The following VSTM2L variants were observed in gnomAD, a reference collection of about 807,000 sequenced individuals.
VSTM2L encodes V-set and transmembrane domain containing 2 like.
Under a neutral mutation model 19.9 loss-of-function variants are expected in VSTM2L, and 9 were observed. The ratio of observed to expected loss-of-function variants is 0.45; its 90% CI spans 0.27 to 0.79. The LOEUF is 0.79. Among genes scored for constraint, VSTM2L ranks in the 30% least tolerant of loss-of-function variants. The probability of loss-of-function intolerance (pLI) is 0.15; values close to 1 mark genes in which losing one functional copy is unlikely to be tolerated. For missense variants in VSTM2L, 286 were observed against 295.5 expected (o/e 0.97, Z 0.24); for synonymous variants, 127 against 133.8 (o/e 0.95, Z 0.35).
chr20:37,911,888 G>A (rs1030193663), intron 1 of VSTM2L, among the ~76,000 whole-genome samples: 10 of 140,688 alleles, frequency 7.1e-5, no homozygotes, highest in Non-Finnish European at 1.6e-4. Flanking sequence ...ATGTATGTGC[G>A]TGTATGTGTG....
At position 37,944,860 on chromosome 20, in the gene VSTM2L, C is replaced by T; in HGVS notation, c.*607C>T. On this transcript the variant is annotated 3_prime_UTR_variant, in exon 4 of 4. Transcript: ENST00000373461. ...CTCCTGGCGAGTCCTTCCTGTTCAGCTCCCTGTGCGACCCTCCAGGGATGC... is the reference window on the plus strand; with the variant it reads ...CTCCTGGCGAGTCCTTCCTGTTCAGTTCCCTGTGCGACCCTCCAGGGATGC... 1.0e-6 allele frequency: 1 copy of T among 986,070 alleles called. No individual in the cohort carries two copies. Among genetic ancestry groups the T allele is most frequent in the Non-Finnish European group, 1.2e-6 (1 of 830,108 alleles). The allele number at this position is 986,070 out of a possible 1,614,324, so 61.1% of individuals were successfully genotyped here.
intron 1 of VSTM2L, 152 bp downstream of exon 1, chr20:37,903,623 C>T: frequency 1.6e-6 from 2 of 1,216,752 alleles, no homozygotes; most frequent in Non-Finnish European, 2.1e-6. Context: ...CGCCCTGGCA[C>T]CCTGGCCCTG....
Position 37,945,242 on chromosome 20 carries a change from C to T in VSTM2L, c.*989C>T, listed in dbSNP as rs979925622. On this transcript the variant is annotated 3_prime_UTR_variant, in exon 4 of 4. Coordinates refer to ENST00000373461, the MANE Select transcript of VSTM2L (RefSeq NM_080607.3). Reference sequence around the variant, plus strand: ...TCTGGCTGCCGCAGCTCAGTGATGACGTGGGGGAGGTGGGAGAGGCCGAGG... The same window carrying T: ...TCTGGCTGCCGCAGCTCAGTGATGATGTGGGGGAGGTGGGAGAGGCCGAGG... 15 of 985,382 alleles carry T rather than the reference C, an allele frequency of 1.5e-5. No homozygotes were observed. The highest frequency in any genetic ancestry group is 1.1e-4 in the East Asian group (1 of 8,826). 61.0% of individuals were successfully genotyped at this position (985,382 alleles called of 1,614,324 possible). A position where few individuals can be genotyped will look rare whatever the true frequency, so the allele number is the denominator to read the frequency against.
At chr20:37,915,456 G>A (rs1169853769) in intron 1 of VSTM2L, among the ~76,000 whole-genome samples, 1 of 152,044 alleles carries the variant, frequency 6.6e-6, no homozygotes, top group Non-Finnish European at 1.5e-5. Context: ...CCTTGAAGAA[G>A]GAGGAGCTTC....
chr20:37,926,402 C>T (rs903397163), intron 1 of VSTM2L, among the ~76,000 whole-genome samples: 8 of 151,936 alleles, frequency 5.3e-5, no homozygotes, highest in Admixed American at 2.0e-4. Context: ...GGGCCAGGCG[C>T]GGTGGCTCAC....
intron 1 of VSTM2L, among the ~76,000 whole-genome samples, chr20:37,918,956 C>A (rs1218715232): frequency 6.6e-6 from 1 of 152,216 alleles, no homozygotes; most frequent in East Asian, 1.9e-4. Flanking sequence ...ATGAACAGTG[C>A]ACATTCTGAA....
intron 1 of VSTM2L, among the ~76,000 whole-genome samples, chr20:37,911,545 G>A (rs769111822): frequency 4.6e-5 from 7 of 152,234 alleles, no homozygotes; most frequent in African/African-American, 1.2e-4. Flanking sequence ...CCCCAACGCC[G>A]AGGATGCCCT....
chr20:37,921,543 T>C (rs1189964944), intron 1 of VSTM2L, among the ~76,000 whole-genome samples: 1 of 152,176 alleles, frequency 6.6e-6, no homozygotes, highest in Non-Finnish European at 1.5e-5. Context: ...GACATGGCAG[T>C]GAACAGACTA....
Position 37,944,419 on chromosome 20 carries a change from A to C in VSTM2L, c.*166A>C. 8.2e-7 allele frequency: 1 copy of C among 1,214,480 alleles called. No homozygotes were observed. Among genetic ancestry groups the C allele is most frequent in the Non-Finnish European group, 1.1e-6 (1 of 935,340 alleles). 75.2% of individuals were successfully genotyped at this position (1,214,480 alleles called of 1,614,324 possible). ...TCCACCACCCCTTGCTCAGCATGTA[A>C]GCCCCACCCACCCCTGCCCTTTCAG... On this transcript the variant is annotated 3_prime_UTR_variant, in exon 4 of 4. Coordinates refer to ENST00000373461, the MANE Select transcript of VSTM2L (RefSeq NM_080607.3).
At chr20:37,911,684 T>C (rs928790852) in intron 1 of VSTM2L, among the ~76,000 whole-genome samples, 8 of 151,666 alleles carry the variant, frequency 5.3e-5, no homozygotes, top group Admixed American at 5.2e-4. Flanking sequence ...GGGGCTGGGG[T>C]AATGCTGTTT....
At position 37,927,746 on chromosome 20, in the gene VSTM2L, A is replaced by G. The variant is rs552537589; in HGVS notation, c.122-3889A>G. Among the ~76,000 whole-genome samples the G allele has an allele frequency of 2.0e-5, 3 of 152,236 alleles. No homozygotes were observed. The South Asian group carries it at 6.2e-4, about 32-fold the overall frequency. ...GCAGGAGGAGACTGAGTGGGGATGA[A>G]TTGGAGGCCTGGCCCTTTCCGAGGA... On this transcript the variant is annotated intron_variant, in intron 1 of 3. Coordinates refer to ENST00000373461, the MANE Select transcript of VSTM2L (RefSeq NM_080607.3).
At position 37,943,968 on chromosome 20, in the gene VSTM2L, CTG is replaced by C. The variant is rs747182372; in HGVS notation, c.343-11_343-10del. 8.7e-6 allele frequency: 11 copies of C among 1,263,176 alleles called. No individual in the cohort carries two copies. The African/African-American group carries it at 1.5e-4, about 17-fold the overall frequency. 78.2% of individuals were successfully genotyped at this position (1,263,176 alleles called of 1,614,324 possible). Reference sequence around the variant, plus strand: ...ACTGGATGGACAGGTCACGGTCTCTCTGTCACCCCCAGGTGGTCAAGGTGGTG... The same window carrying C: ...ACTGGATGGACAGGTCACGGTCTCTCTCACCCCCAGGTGGTCAAGGTGGTG... On this transcript the variant is annotated splice_polypyrimidine_tract_variant and intron_variant, in intron 3 of 3. Coordinates refer to ENST00000373461, the MANE Select transcript of VSTM2L (RefSeq NM_080607.3).
intron 1 of VSTM2L, among the ~76,000 whole-genome samples, chr20:37,909,770 T>C (rs6021806): frequency 0.99 from 150,553 of 152,202 alleles, 74,463 homozygotes; most frequent in East Asian, 1. Flanking sequence ...GTCGCGCCCT[T>C]CTCCCCTGAC....
chr20:37,911,887 C>T (rs1326655280), intron 1 of VSTM2L, among the ~76,000 whole-genome samples: 1 of 141,224 alleles, frequency 7.1e-6, no homozygotes, highest in Admixed American at 7.0e-5. Flanking sequence ...CATGTATGTG[C>T]GTGTATGTGT....
At chr20:37,916,156 C>G (rs1400130890) in intron 1 of VSTM2L, among the ~76,000 whole-genome samples, 14 of 152,232 alleles carry the variant, frequency 9.2e-5, no homozygotes, top group Admixed American at 7.9e-4. Context: ...AATCCTGCCC[C>G]GCTCCAGCCT....
chr20:37,939,160 T>A (rs983028257), intron 3 of VSTM2L, among the ~76,000 whole-genome samples: 1 of 152,114 alleles, frequency 6.6e-6, no homozygotes, highest in African/African-American at 2.4e-5. Context: ...ATCCCAGCAC[T>A]TTGGGAGGCC....
At chr20:37,933,357 C>T (rs1468540466) in intron 2 of VSTM2L, among the ~76,000 whole-genome samples, 182 bp from the exon 3 acceptor site, 1 of 152,200 alleles carries the variant, frequency 6.6e-6, no homozygotes, top group Non-Finnish European at 1.5e-5. Flanking sequence ...ACCTCCTCCC[C>T]TGAGTGGATA....
At chr20:37,916,451 G>C (rs2072819072) in intron 1 of VSTM2L, among the ~76,000 whole-genome samples, 1 of 152,212 alleles carries the variant, frequency 6.6e-6, no homozygotes, top group African/African-American at 2.4e-5. Flanking sequence ...CCACAATCCT[G>C]CAAGTGCCAG....
Position 37,944,226 on chromosome 20 carries a change from G to C in VSTM2L, c.588G>C (p.Ser196=), listed in dbSNP as rs1170472129. The C allele has an allele frequency of 4.2e-6, 6 of 1,434,696 alleles. No individual in the cohort carries two copies. Among genetic ancestry groups the C allele is most frequent in the African/African-American group, 1.6e-5 (1 of 62,502 alleles). 88.9% of individuals were successfully genotyped at this position (1,434,696 alleles called of 1,614,324 possible). The change falls in exon 4 of 4, where the codon TCG becomes TCC. Residue 196 remains serine, a synonymous_variant. Transcript: ENST00000373461. ...PKPGKELRKR[S]VDQEACSL ...CAGGCAAGGAGCTGAGGAAGCGCTCGGTGGACCAGGAGGCCTGCAGCCTCT... is the reference window on the plus strand; with the variant it reads ...CAGGCAAGGAGCTGAGGAAGCGCTCCGTGGACCAGGAGGCCTGCAGCCTCT...
Sources: gnomAD v4.1 joint callset for allele counts (sites outside exome capture counted in the v4.1 genomes callset) on GRCh38, gnomAD v4.1.1 for gene constraint, MANE v1.5 for transcripts, NCBI Gene and HGNC (gene_info 2026-07-23, HGNC 2026-07-21) for gene names.